Variants in MALL observed in about 807,000 individuals in gnomAD.
MALL encodes the protein MAL-like protein.
Under a neutral mutation model 10.3 loss-of-function variants are expected in MALL, and 2 were observed. That is an observed-to-expected ratio of 0.19 (90% CI 0.08 to 0.61). The LOEUF is 0.61. Ranked by LOEUF, MALL falls within the 20% of genes least tolerant of loss-of-function variation. The probability of loss-of-function intolerance (pLI) is 0.88; values close to 1 mark genes in which losing one functional copy is unlikely to be tolerated. For missense variants in MALL, 39 were observed against 115.2 expected, an observed-to-expected ratio of 0.34 and a Z score of 3.03; for synonymous variants, 27 against 51.8, an observed-to-expected ratio of 0.52 and a Z score of 2.05.
At chr2:110,101,315 G>T (rs1678560480) in intron 1 of MALL, among the ~76,000 whole-genome samples, 1 of 152,154 alleles carries the variant, frequency 6.6e-6, no homozygotes. Context: ...TCCACACTCT[G>T]CAGTTCAACC....
intron 1 of MALL, among the ~76,000 whole-genome samples, chr2:110,108,459 C>A (rs1476739336): frequency 1.3e-5 from 2 of 151,310 alleles, no homozygotes; most frequent in Non-Finnish European, 2.9e-5. Flanking sequence ...AAGACAAGGT[C>A]TTTGAATTAT....
At chr2:110,095,827 A>C (rs1286068066) in intron 1 of MALL, among the ~76,000 whole-genome samples, 2 of 152,068 alleles carry the variant, frequency 1.3e-5, no homozygotes, top group Non-Finnish European at 2.9e-5. Context: ...ATAGTGAGAA[A>C]ATTTCCAAAG....
At chr2:110,097,912 T>TTC (rs1292046669) in intron 1 of MALL, among the ~76,000 whole-genome samples, 7 of 152,160 alleles carry the variant, frequency 4.6e-5, no homozygotes, top group Middle Eastern at 3.4e-3. Flanking sequence ...TCATAAAGCC[T>TTC]AAAAAACTTC....
At chr2:110,117,127 T>A (rs2104400076), upstream of MALL, among the ~76,000 whole-genome samples, 1 of 152,244 alleles carries the variant, frequency 6.6e-6, no homozygotes, top group East Asian at 1.9e-4. Context: ...TTTCCCAGGC[T>A]ACGGAAACTA....
chr2:110,110,874 T>C (rs1026996553), intron 1 of MALL, among the ~76,000 whole-genome samples: 3 of 152,110 alleles, frequency 2.0e-5, no homozygotes, highest in Non-Finnish European at 2.9e-5. Flanking sequence ...CCCACCATGA[T>C]CAAGTGAGTT....
chr2:110,095,315 G>A (rs1678418122), intron 1 of MALL, among the ~76,000 whole-genome samples: 1 of 152,120 alleles, frequency 6.6e-6, no homozygotes, highest in African/African-American at 2.4e-5. Context: ...GGTTGGGGCT[G>A]GCCCTCAAAG....
intron 1 of MALL, among the ~76,000 whole-genome samples, chr2:110,098,398 A>C (rs148586838): frequency 1.6e-4 from 24 of 151,934 alleles, no homozygotes; most frequent in Admixed American, 3.3e-4. Flanking sequence ...CCCTCCCCGC[A>C]GTCCCTGGCA....
At chr2:110,105,525 AG>A (rs1334746034) in intron 1 of MALL, among the ~76,000 whole-genome samples, 2 of 152,230 alleles carry the variant, frequency 1.3e-5, no homozygotes, top group African/African-American at 4.8e-5. Flanking sequence ...AGCCAGACCA[AG>A]GACAGGAAGA....
intron 1 of MALL, among the ~76,000 whole-genome samples, chr2:110,100,698 T>C (rs1471795295): frequency 6.6e-6 from 1 of 152,086 alleles, no homozygotes; most frequent in Non-Finnish European, 1.5e-5. Flanking sequence ...CCCTGGACCA[T>C]TCCTCCCCTT....
intron 1 of MALL, 147 bp downstream of exon 1, chr2:110,115,541 C>CCA (rs200503139): frequency 2.5e-6 from 1 of 402,628 alleles, no homozygotes; most frequent in East Asian, 3.9e-5. Flanking sequence ...GGTCTCCCCC[C>CCA]CCCTCTCTGC....
intron 1 of MALL, among the ~76,000 whole-genome samples, chr2:110,092,596 T>C (rs1000096266): frequency 8.2e-5 from 5 of 61,226 alleles, no homozygotes; most frequent in Non-Finnish European, 1.5e-4. Flanking sequence ...ATTGACTATG[T>C]TTTTTATCAA....
In MALL at chr2:110,108,012, C is replaced by A. The variant is rs184164374; in HGVS notation, c.105+7676G>T. Among the ~76,000 whole-genome samples, 27 of 152,272 alleles carry A rather than the reference C, an allele frequency of 1.8e-4. No individual in the cohort carries two copies. The East Asian group carries it at 4.4e-3, about 25-fold the overall frequency. On this transcript the variant is annotated intron_variant, in intron 1 of 3. Coordinates refer to ENST00000272462, the MANE Select transcript of MALL (RefSeq NM_005434.5). ...GGAAGAATACTACATCAGGGGAACA[C>A]CCTGTAGGACAAAAGAATCTGAACA...
chr2:110,113,984 C>A (rs920989768), intron 1 of MALL, among the ~76,000 whole-genome samples: 2 of 152,030 alleles, frequency 1.3e-5, no homozygotes, highest in African/African-American at 2.4e-5. Context: ...CCCTCACCCC[C>A]CACAACACGT....
chr2:110,107,427 A>G (rs1421408263), intron 1 of MALL, among the ~76,000 whole-genome samples: 1 of 151,992 alleles, frequency 6.6e-6, no homozygotes, highest in African/African-American at 2.4e-5. Flanking sequence ...GCTTTCCCCC[A>G]CTTCCCTGAC....
At chr2:110,116,788 C>T (rs1353582159), upstream of MALL, among the ~76,000 whole-genome samples, 2 of 152,206 alleles carry the variant, frequency 1.3e-5, no homozygotes, top group Non-Finnish European at 2.9e-5. Flanking sequence ...TTTCCCGACC[C>T]GCCCTGAAAC....
chr2:110,111,471 T>C (rs1326181927), intron 1 of MALL, among the ~76,000 whole-genome samples: 23 of 151,912 alleles, frequency 1.5e-4, no homozygotes, highest in Admixed American at 1.5e-3. Flanking sequence ...CCTTTCATGA[T>C]AGCTGCAAAA....
intron 1 of MALL, among the ~76,000 whole-genome samples, chr2:110,104,117 A>G (rs990547139): frequency 6.6e-6 from 1 of 151,936 alleles, no homozygotes; most frequent in African/African-American, 2.4e-5. Flanking sequence ...GTCTCCCAGC[A>G]CCCCCACACT....
At chr2:110,117,310 T>G (rs1380622208), upstream of MALL, among the ~76,000 whole-genome samples, 1 of 151,254 alleles carries the variant, frequency 6.6e-6, no homozygotes, top group Non-Finnish European at 1.5e-5. Context: ...TAGGATACCT[T>G]TGACTTGCCC....
chr2:110,098,909 G>A (rs746826221), intron 1 of MALL, among the ~76,000 whole-genome samples: 2 of 152,092 alleles, frequency 1.3e-5, no homozygotes, highest in African/African-American at 2.4e-5. Context: ...GGCTGAGATG[G>A]GAGGATCACT....
Sources: allele counts gnomAD v4.1 joint callset (sites outside exome capture counted in the v4.1 genomes callset), GRCh38; gene constraint gnomAD v4.1.1; transcripts MANE v1.5; gene names NCBI Gene and HGNC (gene_info 2026-07-23, HGNC 2026-07-21).